RASA1: variants seen among roughly 807,000 people sequenced by gnomAD.
The protein encoded by RASA1 is ras GTPase-activating protein 1.
Under a neutral mutation model 132.2 loss-of-function variants are expected in RASA1, and 25 were observed. The observed-to-expected ratio is 0.19, with a 90% CI of 0.14 to 0.26. The LOEUF is 0.26. Ranked by LOEUF, RASA1 falls within the 10% of genes least tolerant of loss-of-function variation. RASA1 has a pLI of 1.00. For synonymous variants in RASA1, 477 were observed against 449.9 expected (o/e 1.06, Z -0.76); for missense variants, 964 against 1,299.2 (o/e 0.74, Z 3.97).
intron 9 of RASA1, among the ~76,000 whole-genome samples, chr5:87,356,398 T>C (rs533142759): frequency 1.3e-5 from 2 of 151,806 alleles, no homozygotes; most frequent in Admixed American, 1.3e-4. Context: ...TTTTTTTTTT[T>C]CTCCCTCCGG....
intron 13 of RASA1, 47 bp downstream of exon 13, chr5:87,372,242 A>C (rs754257803): frequency 1.0e-5 from 16 of 1,530,212 alleles, no homozygotes; most frequent in South Asian, 1.0e-4. Flanking sequence ...TTTTGCTCTA[A>C]CACTTTGCTC....
chr5:87,374,824 C>A lies in RASA1; in HGVS notation c.1935-16C>A. On this transcript the variant is annotated splice_polypyrimidine_tract_variant and intron_variant, in intron 14 of 24. Coordinates refer to ENST00000274376, the MANE Select transcript of RASA1 (RefSeq NM_002890.3). ...CCAAAACATTTTGTTAATTCTTTTTCTCCTTGCTCCTTTAGTGATCTTCCT... is the reference window on the plus strand; with the variant it reads ...CCAAAACATTTTGTTAATTCTTTTTATCCTTGCTCCTTTAGTGATCTTCCT... 1.2e-6 allele frequency: 2 copies of A among 1,606,400 alleles called. No homozygotes were observed. Among genetic ancestry groups the A allele is most frequent in the South Asian group, 1.1e-5 (1 of 90,818 alleles).
chr5:87,391,587 T>G lies in RASA1; in HGVS notation c.*704T>G, dbSNP rs1762524115. 1 of 235,046 alleles carries G rather than the reference T, an allele frequency of 4.3e-6. No homozygotes were observed. Among genetic ancestry groups the G allele is most frequent in the African/African-American group, 2.2e-5 (1 of 45,326 alleles). 14.6% of individuals were successfully genotyped at this position (235,046 alleles called of 1,614,324 possible). A position where few individuals can be genotyped will look rare whatever the true frequency, so the allele number is the denominator to read the frequency against. On this transcript the variant is annotated 3_prime_UTR_variant, in exon 25 of 25. Coordinates refer to ENST00000274376, the MANE Select transcript of RASA1 (RefSeq NM_002890.3). ...ATCTCATAATGCTTTGTTAAATGTT[T>G]ACAAGTAAATAGTTTGAATTCAGTA...
intron 9 of RASA1, 90 bp downstream of exon 9, chr5:87,353,325 A>G: frequency 2.0e-6 from 2 of 1,005,320 alleles, no homozygotes. Context: ...GTACAATTCA[A>G]ATTGGATACA....
chr5:87,318,272 A>C (rs1408425029), intron 1 of RASA1: 1 of 152,216 alleles, frequency 6.6e-6, no homozygotes, highest in Non-Finnish European at 1.5e-5. Flanking sequence ...GGCCTGTTAG[A>C]GGAGGAGTTT....
intron 1 of RASA1, among the ~76,000 whole-genome samples, chr5:87,310,584 C>T (rs1446556888): frequency 1.3e-5 from 2 of 152,076 alleles, no homozygotes; most frequent in East Asian, 3.8e-4. Flanking sequence ...TCTTGTTTTT[C>T]ATGTAAGCGC....
rs377483520 is a variant in RASA1, at chr5:87,332,588, T to C, written c.774T>C (p.His258=). Residue 258 remains histidine (H), a synonymous_variant, in exon 3 of 25, where the codon CAT becomes CAC. Coordinates refer to ENST00000274376, the MANE Select transcript of RASA1 (RefSeq NM_002890.3). The stretch of plus-strand genomic sequence containing the variant: ...CAGACCTAATAGGTTATTACAGTCA[T>C]GTTTCTTGTTTGCTTAAAGGAGAAA... ...SLSDLIGYYS[H]VSCLLKGEKL... 6.2e-6 allele frequency: 10 copies of C among 1,610,366 alleles called. No homozygotes were observed. The highest frequency in any genetic ancestry group is 1.3e-5 in the African/African-American group (1 of 74,826).
chr5:87,304,939 C>CTTTTTTTTTTTT (rs756572506), intron 1 of RASA1, among the ~76,000 whole-genome samples: 13 of 64,396 alleles, frequency 2.0e-4, no homozygotes, highest in African/African-American at 3.0e-4. Flanking sequence ...TCTTTTAGTC[C>CTTTTTTTTTTTT]TTTTTTTTTT....
intron 1 of RASA1, among the ~76,000 whole-genome samples, chr5:87,330,265 A>C (rs945424630): frequency 6.6e-6 from 1 of 152,108 alleles, no homozygotes; most frequent in Non-Finnish European, 1.5e-5. Context: ...TTATTACAAC[A>C]AGCTTACAAA....
chr5:87,288,713 G>T (rs1206475059), intron 1 of RASA1, among the ~76,000 whole-genome samples: 1 of 151,708 alleles, frequency 6.6e-6, no homozygotes, highest in Admixed American at 6.6e-5. Flanking sequence ...CTTTTTTTTG[G>T]GTCCAGATTG....
intron 1 of RASA1, among the ~76,000 whole-genome samples, chr5:87,281,127 A>G (rs536392617): frequency 6.6e-6 from 1 of 152,080 alleles, no homozygotes; most frequent in South Asian, 2.1e-4. Context: ...ATCATATGGT[A>G]ATTCTGTTTT....
At chr5:87,346,050 TATA>T (rs1227647965) in intron 6 of RASA1, among the ~76,000 whole-genome samples, 1 of 152,110 alleles carries the variant, frequency 6.6e-6, no homozygotes, top group Non-Finnish European at 1.5e-5. Context: ...TGATGCCTTT[TATA>T]ATAATTTCTA....
intron 1 of RASA1, among the ~76,000 whole-genome samples, chr5:87,309,799 C>A (rs913105910): frequency 6.6e-6 from 1 of 151,828 alleles, no homozygotes; most frequent in African/African-American, 2.4e-5. Context: ...TAAAAAAATA[C>A]TTTAACTTGT....
At chr5:87,318,333 T>C (rs1756505532) in intron 1 of RASA1, 1 of 152,136 alleles carries the variant, frequency 6.6e-6, no homozygotes, top group South Asian at 2.1e-4. Context: ...TAGAGGAAGA[T>C]TGATATCTAA....
intron 1 of RASA1, among the ~76,000 whole-genome samples, chr5:87,276,607 T>TA (rs1754071841): frequency 6.6e-6 from 1 of 152,194 alleles, no homozygotes; most frequent in Non-Finnish European, 1.5e-5. Context: ...AGTCTACAGA[T>TA]ACGTTGTGCA....
At chr5:87,324,535 C>G (rs1340185794) in intron 1 of RASA1, among the ~76,000 whole-genome samples, 1 of 152,042 alleles carries the variant, frequency 6.6e-6, no homozygotes, top group African/African-American at 2.4e-5. Flanking sequence ...AATGCTCTCT[C>G]GAAACTAAAA....
intron 1 of RASA1, among the ~76,000 whole-genome samples, chr5:87,319,180 G>A (rs1756582093): frequency 6.6e-6 from 1 of 152,230 alleles, no homozygotes; most frequent in Non-Finnish European, 1.5e-5. Context: ...CTGCTTTAAT[G>A]GGCTGGCATT....
At chr5:87,354,721 C>T (rs905249452) in intron 9 of RASA1, among the ~76,000 whole-genome samples, 2 of 152,074 alleles carry the variant, frequency 1.3e-5, no homozygotes, top group Non-Finnish European at 2.9e-5. Context: ...ATGGTGAAAG[C>T]CAAAATAGGC....
At chr5:87,337,645 C>T (rs1214736831) in intron 4 of RASA1, among the ~76,000 whole-genome samples, 1 of 152,026 alleles carries the variant, frequency 6.6e-6, no homozygotes, top group African/African-American at 2.4e-5. Flanking sequence ...CTTGTAGTTA[C>T]ACCCCAAAAC....
Sources: allele counts gnomAD v4.1 joint callset (sites outside exome capture counted in the v4.1 genomes callset), GRCh38; gene constraint gnomAD v4.1.1; transcripts MANE v1.5; gene names NCBI Gene and HGNC (gene_info 2026-07-23, HGNC 2026-07-21).